The following FHIT variants were observed in gnomAD, a reference collection of about 807,000 sequenced individuals.
FHIT encodes the protein bis(5'-adenosyl)-triphosphatase.
In FHIT, 19 loss-of-function variants were observed where a neutral mutation model predicts 17.9. The observed-to-expected ratio is 1.06, with a 90% CI of 0.74 to 1.56. The LOEUF (loss-of-function observed/expected upper bound fraction) is 1.56, where lower values mean the gene tolerates loss of function less well. FHIT is among the 40% of genes most tolerant of loss of function. FHIT has a pLI of 0.00. For missense variants in FHIT, 248 were observed against 189.2 expected (o/e 1.31, Z -1.82); for synonymous variants, 81 against 69.7 (o/e 1.16, Z -0.81).
At chr3:60,322,392 T>C (rs962488459) in intron 5 of FHIT, among the ~76,000 whole-genome samples, 1 of 152,252 alleles carries the variant, frequency 6.6e-6, no homozygotes, top group Non-Finnish European at 1.5e-5. Flanking sequence ...CTTGTTATTA[T>C]ACCCAATTAC....
intron 2 of FHIT, among the ~76,000 whole-genome samples, chr3:61,159,023 G>C (rs80251954): frequency 0.084 from 12,742 of 152,176 alleles, 1,209 homozygotes; most frequent in East Asian, 0.43. Flanking sequence ...AAATGTGATT[G>C]CCCAATATTA....
chr3:60,336,959 CAGAG>C (rs1166614603), intron 5 of FHIT, among the ~76,000 whole-genome samples: 31 of 150,848 alleles, frequency 2.1e-4, no homozygotes, highest in African/African-American at 7.3e-4. Flanking sequence ...AAGATGTAGA[CAGAG>C]AGAAAATAAA....
At chr3:60,508,223 A>G (rs1338507068) in intron 5 of FHIT, among the ~76,000 whole-genome samples, 1 of 152,184 alleles carries the variant, frequency 6.6e-6, no homozygotes, top group Non-Finnish European at 1.5e-5. Context: ...AGGAAGTAAA[A>G]CCAGCAAGAT....
intron 7 of FHIT, among the ~76,000 whole-genome samples, chr3:59,926,401 T>A (rs1705661944): frequency 6.6e-6 from 1 of 152,204 alleles, no homozygotes; most frequent in African/African-American, 2.4e-5. Context: ...CCCATAGAGC[T>A]TATATTCCAA....
intron 7 of FHIT, among the ~76,000 whole-genome samples, chr3:59,939,545 T>C (rs6762119): frequency 2.6e-5 from 4 of 152,184 alleles, no homozygotes; most frequent in Admixed American, 6.5e-5. Context: ...GATTTTTCTA[T>C]GCCTTTTAAC....
chr3:61,202,500 C>A (rs2039056740), intron 1 of FHIT, among the ~76,000 whole-genome samples: 1 of 131,614 alleles, frequency 7.6e-6, no homozygotes, highest in Non-Finnish European at 1.6e-5. Context: ...TTAAAGTTTA[C>A]TTTTTCGTTA....
At chr3:60,383,230 T>A (rs1700878635) in intron 5 of FHIT, among the ~76,000 whole-genome samples, 1 of 152,190 alleles carries the variant, frequency 6.6e-6, no homozygotes, top group African/African-American at 2.4e-5. Context: ...AATAAGCTGG[T>A]TTATTTCATC....
intron 5 of FHIT, among the ~76,000 whole-genome samples, chr3:60,278,442 C>T (rs989400658): frequency 2.0e-5 from 3 of 152,084 alleles, no homozygotes; most frequent in African/African-American, 7.2e-5. Flanking sequence ...TTCAGAAGAT[C>T]GCAGCCTAGA....
chr3:60,018,472 T>G (rs1211017153), intron 5 of FHIT, among the ~76,000 whole-genome samples: 1 of 152,160 alleles, frequency 6.6e-6, no homozygotes, highest in Non-Finnish European at 1.5e-5. Context: ...ATTGCTCTCT[T>G]GGAAGCCTGA....
chr3:61,014,651 G>GTA (rs907048139), intron 3 of FHIT, among the ~76,000 whole-genome samples: 1 of 150,354 alleles, frequency 6.7e-6, no homozygotes, highest in African/African-American at 2.5e-5. Flanking sequence ...GTGGTGGTGG[G>GTA]CACCTGTAGT....
rs143640577 is a variant in FHIT at position 60,599,826 on chromosome 3, C to T, written c.-17-62847G>A. ...CTATCGTTCTTGCCCATCTAAACTC[C>T]CTTTCTTTAGGGCAGGAGTTCTTGA... On this transcript the variant is annotated intron_variant, in intron 4 of 9. Transcript: ENST00000492590. Among the ~76,000 whole-genome samples the T allele has an allele frequency of 7.1e-3, 1,087 of 152,134 alleles. 5 individuals are homozygous for T. The highest frequency in any genetic ancestry group is 0.011 in the Non-Finnish European group (726 of 67,998).
At chr3:60,091,672 T>G (rs1304141344) in intron 5 of FHIT, among the ~76,000 whole-genome samples, 1 of 152,094 alleles carries the variant, frequency 6.6e-6, no homozygotes, top group Non-Finnish European at 1.5e-5. Context: ...CACGAATGGT[T>G]TCGCACCATC....
At chr3:61,216,945 G>A (rs1355019545) in intron 1 of FHIT, among the ~76,000 whole-genome samples, 1 of 147,038 alleles carries the variant, frequency 6.8e-6, no homozygotes, top group East Asian at 2.1e-4. Context: ...ATTGAGCAAT[G>A]AGAACACATG....
chr3:61,210,699 T>C (rs2039435382), intron 1 of FHIT, among the ~76,000 whole-genome samples: 1 of 152,110 alleles, frequency 6.6e-6, no homozygotes, highest in South Asian at 2.1e-4. Context: ...CCAGGTGCCA[T>C]CTGTCACCCC....
intron 8 of FHIT, among the ~76,000 whole-genome samples, chr3:59,789,876 G>GT (rs1289337131): frequency 1.3e-5 from 2 of 152,132 alleles, no homozygotes; most frequent in Admixed American, 1.3e-4. Flanking sequence ...AATGTTAACT[G>GT]TAAGCATCTG....
At chr3:59,818,563 T>C (rs1051553796) in intron 8 of FHIT, among the ~76,000 whole-genome samples, 1 of 152,148 alleles carries the variant, frequency 6.6e-6, no homozygotes, top group Non-Finnish European at 1.5e-5. Context: ...AAAATAAGTT[T>C]TTTGGGGGAC....
intron 5 of FHIT, among the ~76,000 whole-genome samples, chr3:60,515,859 C>T (rs991967457): frequency 6.6e-6 from 1 of 152,178 alleles, no homozygotes; most frequent in Non-Finnish European, 1.5e-5. Flanking sequence ...CCAGGGCTTG[C>T]TCTTGTAAGA....
chr3:61,197,469 T>TA (rs372638452), intron 2 of FHIT, among the ~76,000 whole-genome samples: 10 of 151,596 alleles, frequency 6.6e-5, no homozygotes, highest in Admixed American at 3.3e-4. Flanking sequence ...ATATACCTGT[T>TA]AAAAAAAAAT....
At chr3:60,752,071 C>A (rs185168711) in intron 4 of FHIT, among the ~76,000 whole-genome samples, 1 of 152,138 alleles carries the variant, frequency 6.6e-6, no homozygotes, top group Admixed American at 6.5e-5. Context: ...TGTTTTTCTA[C>A]GTACACGCAT....
Sources: gnomAD v4.1 joint callset for allele counts (sites outside exome capture counted in the v4.1 genomes callset) on GRCh38, gnomAD v4.1.1 for gene constraint, MANE v1.5 for transcripts, NCBI Gene and HGNC (gene_info 2026-07-23, HGNC 2026-07-21) for gene names.